The following CCDC13 variants were observed in gnomAD, a reference collection of about 807,000 sequenced individuals.
CCDC13 encodes the protein coiled-coil domain-containing protein 13.
A neutral mutation model predicts 87.3 loss-of-function variants in CCDC13; 70 were observed. The ratio of observed to expected loss-of-function variants is 0.80; its 90% CI spans 0.66 to 0.98. The LOEUF is 0.98. Among genes scored for constraint, CCDC13 ranks in the 50% least tolerant of loss-of-function variants. The probability of loss-of-function intolerance (pLI) is 0.00; values close to 1 mark genes in which losing one functional copy is unlikely to be tolerated. For missense variants in CCDC13, 842 were observed against 892.0 expected (o/e 0.94, Z 0.71); for synonymous variants, 317 against 360.3 (o/e 0.88, Z 1.36).
At chr3:42,762,184 G>GCTTCT in intron 1 of CCDC13, among the ~76,000 whole-genome samples, 1 of 152,232 alleles carries the variant, frequency 6.6e-6, no homozygotes. Context: ...GCTGAGCCCA[G>GCTTCT]GGTTTGGCAA....
intron 13 of CCDC13, among the ~76,000 whole-genome samples, chr3:42,724,108 T>C (rs1303024237): frequency 2.6e-5 from 4 of 152,252 alleles, no homozygotes; most frequent in South Asian, 4.1e-4. Context: ...ATGTATGCAT[T>C]TTGTTTAACT....
intron 3 of CCDC13, among the ~76,000 whole-genome samples, chr3:42,755,684 T>G (rs1317017239): frequency 6.6e-6 from 1 of 152,216 alleles, no homozygotes; most frequent in Non-Finnish European, 1.5e-5. Flanking sequence ...TCAGAAATGG[T>G]GACTTCAGAG....
intron 11 of CCDC13, 22 bp downstream of exon 11, chr3:42,733,448 C>T: frequency 6.2e-7 from 1 of 1,613,662 alleles, no homozygotes; most frequent in Non-Finnish European, 8.5e-7. Context: ...TTTCCAACCC[C>T]TCCCTCCCAT....
intron 12 of CCDC13, among the ~76,000 whole-genome samples, chr3:42,731,582 T>C (rs575048358): frequency 1.1e-3 from 161 of 152,286 alleles, no homozygotes; most frequent in Non-Finnish European, 1.9e-3. Flanking sequence ...TTGACCTGGC[T>C]GATCAGCAGG....
At chr3:42,747,150 G>C (rs760916039) in intron 6 of CCDC13, 107 bp downstream of exon 6, 6 of 843,524 alleles carry the variant, frequency 7.1e-6, no homozygotes, top group Non-Finnish European at 1.2e-5. Flanking sequence ...GTGTGCTCAA[G>C]GGACTGAGCA....
intron 1 of CCDC13, chr3:42,771,074 A>G (rs981381350): frequency 4.6e-5 from 7 of 152,366 alleles, no homozygotes; most frequent in Non-Finnish European, 8.8e-5. Flanking sequence ...ATGTACTTCA[A>G]TAGGTGAGTA....
At chr3:42,704,582 C>T (rs1698127240), downstream of CCDC13, 1 of 152,354 alleles carries the variant, frequency 6.6e-6, no homozygotes, top group Non-Finnish European at 1.5e-5. Context: ...TGGATTCACA[C>T]TCAGAAGTGA....
chr3:42,716,985 G>A (rs1318208376), intron 13 of CCDC13, among the ~76,000 whole-genome samples: 1 of 152,144 alleles, frequency 6.6e-6, no homozygotes, highest in African/African-American at 2.4e-5. Flanking sequence ...ATATTATTCA[G>A]TCATAAAAAG....
At chr3:42,719,640 T>TA (rs1698514742) in intron 13 of CCDC13, 1 of 152,156 alleles carries the variant, frequency 6.6e-6, no homozygotes, top group African/African-American at 2.4e-5. Flanking sequence ...ACTGGTCAGT[T>TA]ACAAACTTTG....
At chr3:42,731,917 G>A (rs1698844258) in intron 12 of CCDC13, among the ~76,000 whole-genome samples, 2 of 152,194 alleles carry the variant, frequency 1.3e-5, no homozygotes, top group South Asian at 4.1e-4. Flanking sequence ...AGCAGTCTGG[G>A]CAGCCAAGGC....
intron 5 of CCDC13, among the ~76,000 whole-genome samples, chr3:42,751,304 A>G (rs1699573174): frequency 6.6e-6 from 1 of 152,148 alleles, no homozygotes; most frequent in African/African-American, 2.4e-5. Flanking sequence ...GGATAAACCA[A>G]CCCACTAGGT....
intron 15 of CCDC13, among the ~76,000 whole-genome samples, 190 bp downstream of exon 15, chr3:42,709,494 G>A (rs993760921): frequency 5.3e-5 from 8 of 152,204 alleles, no homozygotes; most frequent in African/African-American, 1.7e-4. Flanking sequence ...GGTCATTGGG[G>A]TTTGGGCCGG....
chr3:42,722,791 CTTTTTTTTTT>C (rs956889825), intron 13 of CCDC13, among the ~76,000 whole-genome samples: 2 of 109,098 alleles, frequency 1.8e-5, no homozygotes, highest in South Asian at 2.8e-4. Flanking sequence ...TATTCCTTTA[CTTTTTTTTTT>C]TTTTTTTTTT....
intron 9 of CCDC13, 58 bp from the exon 10 acceptor site, chr3:42,735,971 G>A (rs1559647001): frequency 6.7e-7 from 1 of 1,500,828 alleles, no homozygotes; most frequent in Non-Finnish European, 9.1e-7. Context: ...GGCCGGGGAG[G>A]ACAAGAACAG....
rs1699568449 is a variant in CCDC13, at chr3:42,751,148, G to C, written c.603+788C>G. On this transcript the variant is annotated intron_variant, in intron 5 of 15. Coordinates refer to ENST00000310232, the MANE Select transcript of CCDC13 (RefSeq NM_144719.4). Reference sequence around the variant, plus strand: ...GTCTGATCCTGAGGTGCAGGCAGCAGGGAAGATGGGGCTAGAAAACAAGCA... The same window carrying C: ...GTCTGATCCTGAGGTGCAGGCAGCACGGAAGATGGGGCTAGAAAACAAGCA... 2.0e-5 allele frequency among the ~76,000 whole-genome samples: 3 copies of C among 152,330 alleles called. No individual in the cohort carries two copies. In the South Asian group the frequency reaches 6.2e-4, roughly 32 times the overall value.
intron 2 of CCDC13, among the ~76,000 whole-genome samples, chr3:42,757,524 G>A (rs887018960): frequency 6.6e-6 from 1 of 152,144 alleles, no homozygotes; most frequent in African/African-American, 2.4e-5. Context: ...GACTAGCCTA[G>A]GCAACAAAGA....
intron 5 of CCDC13, among the ~76,000 whole-genome samples, chr3:42,747,590 G>A (rs115333627): frequency 0.03 from 4,561 of 152,336 alleles, 102 homozygotes; most frequent in Middle Eastern, 0.044. Context: ...CTCTACTTGA[G>A]CTACCTGGTT....
At position 42,708,041 on chromosome 3, in the gene CCDC13, C is replaced by T. The variant is rs1698216496; in HGVS notation, c.*939G>A. On this transcript the variant is annotated 3_prime_UTR_variant, in exon 16 of 16. Coordinates refer to ENST00000310232, the MANE Select transcript of CCDC13 (RefSeq NM_144719.4). Reference sequence around the variant, plus strand: ...AGGTGCACTGTACCTTTGACTGGAGCCACTACCTCAAAACCCTTCTGCCTG... The same window carrying T: ...AGGTGCACTGTACCTTTGACTGGAGTCACTACCTCAAAACCCTTCTGCCTG... Among the ~76,000 whole-genome samples, 1 of 152,120 alleles carries T rather than the reference C, an allele frequency of 6.6e-6. No homozygotes were observed. Among genetic ancestry groups the T allele is most frequent in the African/African-American group, 2.4e-5 (1 of 41,416 alleles).
chr3:42,768,659 T>G (rs905131220), intron 1 of CCDC13, among the ~76,000 whole-genome samples: 1 of 151,124 alleles, frequency 6.6e-6, no homozygotes, highest in Non-Finnish European at 1.5e-5. Flanking sequence ...ATCACTCCAC[T>G]GCACTCCAGC....
Sources: allele counts gnomAD v4.1 joint callset (sites outside exome capture counted in the v4.1 genomes callset), GRCh38; gene constraint gnomAD v4.1.1; transcripts MANE v1.5; gene names NCBI Gene and HGNC (gene_info 2026-07-23, HGNC 2026-07-21).